NEB: variants seen among roughly 807,000 people sequenced by gnomAD.
NEB encodes the protein nemaline myopathy type 2.
A neutral mutation model predicts 952.2 loss-of-function variants in NEB; 512 were observed. That is an observed-to-expected ratio of 0.54 (90% CI 0.50 to 0.58). NEB has a LOEUF of 0.58. Ranked by LOEUF, NEB falls within the 20% of genes least tolerant of loss-of-function variation. The pLI is 0.00. For synonymous variants in NEB, 2,900 were observed against 3,149.8 expected, an observed-to-expected ratio of 0.92 and a Z score of 2.66; for missense variants, 8,428 against 9,231.1, an observed-to-expected ratio of 0.91 and a Z score of 3.56.
chr2:151,492,556 CCAGCAGATAGAGATGGATAGGAGCT>C, intron 176 of NEB, 62 bp from the exon 177 acceptor site: 2 of 1,279,490 alleles, frequency 1.6e-6, no homozygotes, highest in South Asian at 2.6e-5. Context: ...CAAAGCCTTT[CCAGCAGATAGAGATGGATAGGAGCT>C]GGTGAGGGAC....
chr2:151,498,278 A>ATTGTG lies in NEB; in HGVS notation c.24184_24188dup (p.Gln8064ThrfsTer83). 1 of 1,551,278 alleles carries ATTGTG rather than the reference A, an allele frequency of 6.4e-7. No individual in the cohort carries two copies. Among genetic ancestry groups the ATTGTG allele is most frequent in the Non-Finnish European group, 8.7e-7 (1 of 1,146,796 alleles). On this transcript the variant is annotated frameshift_variant, in exon 170 of 182. Coordinates refer to ENST00000397345, the MANE Select transcript of NEB (RefSeq NM_001164508.2). LOFTEE classifies it high-confidence loss of function. Reference sequence around the variant, plus strand: ...AAAATACCGAGCTAAGGTTTTCTTGATTGTGTTTGACTCTCTGCATCTCAG... The same window carrying ATTGTG: ...AAAATACCGAGCTAAGGTTTTCTTGATTGTGTTGTGTTTGACTCTCTGCATCTCAG...
At chr2:151,540,473 A>T in intron 137 of NEB, 25 bp from the exon 138 acceptor site, 1 of 1,517,308 alleles carries the variant, frequency 6.6e-7, no homozygotes, top group Non-Finnish European at 9.0e-7. Context: ...CAGAAGAGAG[A>T]GACAAGCTTA....
chr2:151,627,450 T>C, intron 69 of NEB, 73 bp downstream of exon 69: 1 of 1,566,204 alleles, frequency 6.4e-7, no homozygotes, highest in Non-Finnish European at 8.7e-7. Context: ...TTCTACCTAA[T>C]GCTAGACCAC....
At chr2:151,552,542 C>A in intron 128 of NEB, 130 bp downstream of exon 128, 1 of 627,088 alleles carries the variant, frequency 1.6e-6, no homozygotes, top group Non-Finnish European at 2.8e-6. Flanking sequence ...TCAGTGCTTT[C>A]AAACGCACCA....
intron 139 of NEB, 37 bp from the exon 140 acceptor site, chr2:151,538,013 C>T (rs772719433): frequency 2.5e-6 from 4 of 1,577,484 alleles, no homozygotes; most frequent in Non-Finnish European, 3.5e-6. Context: ...GTAAGTCTTA[C>T]CCAAAGTTAA....
chr2:151,700,726 C>T (rs2099643261), intron 13 of NEB, among the ~76,000 whole-genome samples: 1 of 125,410 alleles, frequency 8.0e-6, no homozygotes, highest in African/African-American at 3.1e-5. Context: ...TATCCTGAGA[C>T]TTTGCTGAAG....
chr2:151,682,745 T>C lies in NEB; in HGVS notation c.2860A>G (p.Ser954Gly). ...ACCCAGCCACAACCTTTCATCCAGC[T>C]ATTGTAGTCAGCTTTGTATTCAACC... ...SDVEYKADYN[S>G]WMKGCGWVPF... Residue 954 changes from serine (S) to glycine (G), a missense_variant, in exon 29 of 182, where the codon AGC becomes GGC. Coordinates refer to ENST00000397345, the MANE Select transcript of NEB (RefSeq NM_001164508.2). The C allele has an allele frequency of 6.2e-7, 1 of 1,613,390 alleles. No homozygotes were observed. The highest frequency in any genetic ancestry group is 8.5e-7 in the Non-Finnish European group (1 of 1,179,526).
rs1022784479 is a variant in NEB at position 151,554,915 on chromosome 2, G to A, written c.19428+16C>T. ...GAATGTATCCTAGTCATTAAGGGGC[G>A]CATGACCGTACTTACATCGATGTTA... On this transcript the variant is annotated intron_variant, in intron 125 of 181. Transcript: ENST00000397345. 31 of 1,538,402 alleles carry A rather than the reference G, an allele frequency of 2.0e-5. No homozygotes were observed. In the Admixed American group the frequency reaches 3.3e-4, roughly 17 times the overall value.
rs1466886555 is a variant in NEB, at chr2:151,569,338, C to T, written c.17465G>A (p.Gly5822Glu). Residue 5822 changes from glycine to glutamate, a missense_variant, in exon 110 of 182, where the codon GGA becomes GAA. By Grantham distance (98) the Gly-to-Glu change is moderately conservative. Around this residue, in one of 11 missense-constraint regions of NEB, gnomAD observed 3,374 missense variants for 3,651.5 expected, o/e 0.92. Coordinates refer to ENST00000397345, the MANE Select transcript of NEB (RefSeq NM_001164508.2). ...VYKADLEWLR[G>E]IGWMPNDSVS... Reference sequence around the variant, plus strand: ...GGAGTCATTTGGCATCCACCCAATTCCACGCAACCATTCCAAGTCAGCCTT... The same window carrying T: ...GGAGTCATTTGGCATCCACCCAATTTCACGCAACCATTCCAAGTCAGCCTT... The T allele has an allele frequency of 1.9e-6, 3 of 1,613,806 alleles. No homozygotes were observed. The highest frequency in any genetic ancestry group is 2.5e-6 in the Non-Finnish European group (3 of 1,179,844).
intron 107 of NEB, among the ~76,000 whole-genome samples, chr2:151,574,825 G>A (rs116671455): frequency 0.055 from 8,407 of 152,034 alleles, 243 homozygotes; most frequent in Non-Finnish European, 0.06. Context: ...TCTTCCTCCT[G>A]GGCTCAAGTG....
chr2:151,685,111 G>A, intron 27 of NEB, 136 bp from the exon 28 acceptor site: 1 of 893,066 alleles, frequency 1.1e-6, no homozygotes, highest in Non-Finnish European at 1.7e-6. Flanking sequence ...CCAAAAATGT[G>A]TTCATATGTT....
At chr2:151,532,660 T>A (rs543850875) in intron 143 of NEB, among the ~76,000 whole-genome samples, 1 of 151,744 alleles carries the variant, frequency 6.6e-6, no homozygotes, top group African/African-American at 2.4e-5. Context: ...AAGCTCTTAA[T>A]TGGAGCTTAA....
chr2:151,575,700 T>C lies in NEB; in HGVS notation c.17008A>G (p.Ser5670Gly). 1 of 1,585,164 alleles carries C rather than the reference T, an allele frequency of 6.3e-7. No homozygotes were observed. Among genetic ancestry groups the C allele is most frequent in the Non-Finnish European group, 8.7e-7 (1 of 1,153,862 alleles). ...GAGTCTGTTGTAGTACTTACATTGC[T>C]CACATTAAGAGCATTTGCTCTAGCG... ...NLARANALNVSNKLYREGWDE... is the reference protein window; with the variant it reads ...NLARANALNVGNKLYREGWDE... The change falls in exon 107 of 182, where the codon AGC becomes GGC. Residue 5670 changes from serine to glycine, a missense_variant. This residue lies in a region of NEB where 3,374 missense variants were observed against 3,651.5 expected (regional missense o/e 0.92). Transcript: ENST00000397345.
intron 150 of NEB, 85 bp downstream of exon 150, chr2:151,525,873 A>G: frequency 9.7e-7 from 1 of 1,032,134 alleles, no homozygotes; most frequent in Admixed American, 1.7e-5. Flanking sequence ...ACATAAAGGA[A>G]GCAAAAGGCA....
rs200269437 is a variant in NEB at position 151,499,371 on chromosome 2, A to G, written c.24041T>C (p.Val8014Ala). ...NFSSVLYKEN[V>A]GKGIPIPITP... ...GATGGGGATTGGAATCCCTTTTCCA[A>G]CGTTTTCTTTATACAACACCTGTAT... The change falls in exon 169 of 182, where the codon GTT (valine) becomes GCT (alanine). Residue 8014 changes from valine to alanine, a missense_variant. Val to Ala is a moderately conservative substitution (Grantham distance 64). Coordinates refer to ENST00000397345, the MANE Select transcript of NEB (RefSeq NM_001164508.2). 2.5e-4 allele frequency: 392 copies of G among 1,543,878 alleles called. No homozygotes were observed. Among genetic ancestry groups the G allele is most frequent in the Admixed American group, 3.5e-4 (18 of 50,752 alleles).
chr2:151,553,697 T>C lies in NEB; in HGVS notation c.19626+131A>G, dbSNP rs563001387. 22 of 1,011,732 alleles carry C rather than the reference T, an allele frequency of 2.2e-5. No homozygotes were observed. In the East Asian group the frequency reaches 5.7e-4, roughly 26 times the overall value. The allele number at this position is 1,011,732 out of a possible 1,614,324, so 62.7% of individuals were successfully genotyped here. On this transcript the variant is annotated intron_variant, in intron 126 of 181. Coordinates refer to ENST00000397345, the MANE Select transcript of NEB (RefSeq NM_001164508.2). ...TTCCAGAGACAGCTCTGAAGTCAAGTTGGACAAATGGACATATAGGGAAGA... is the reference window on the plus strand; with the variant it reads ...TTCCAGAGACAGCTCTGAAGTCAAGCTGGACAAATGGACATATAGGGAAGA...
chr2:151,707,140 G>A, intron 12 of NEB, 143 bp from the exon 13 acceptor site: 1 of 603,440 alleles, frequency 1.7e-6, no homozygotes, highest in East Asian at 2.9e-5. Flanking sequence ...AATACTCATA[G>A]TAACTCTTAA....
intron 167 of NEB, among the ~76,000 whole-genome samples, chr2:151,501,710 G>A (rs530157211): frequency 4.4e-4 from 67 of 152,198 alleles, no homozygotes; most frequent in African/African-American, 1.5e-3. Context: ...CCAGGCTGCC[G>A]GCAGGAGTGG....
Position 151,485,880 on chromosome 2 carries a change from G to A in NEB, c.25458C>T (p.Ser8486=). ...DYMAADADEV[S]FKDGDAIINV... ...TTATGATGGCATCTCCATCCTTGAA[G>A]GACACCTCATCTGCATCAGCAGCCA... The change falls in exon 182 of 182, where the codon TCC becomes TCT. Residue 8486 remains serine (S), a synonymous_variant. Coordinates refer to ENST00000397345, the MANE Select transcript of NEB (RefSeq NM_001164508.2). 3 of 1,613,924 alleles carry A rather than the reference G, an allele frequency of 1.9e-6. No individual in the cohort carries two copies. Among genetic ancestry groups the A allele is most frequent in the Non-Finnish European group, 2.5e-6 (3 of 1,179,856 alleles).
Sources: allele counts gnomAD v4.1 joint callset (sites outside exome capture counted in the v4.1 genomes callset), GRCh38; gene constraint gnomAD v4.1.1; regional missense constraint gnomAD v4.1.1; transcripts MANE v1.5; gene names NCBI Gene and HGNC (gene_info 2026-07-23, HGNC 2026-07-21).